Variants in ATM observed in about 807,000 individuals in gnomAD.
The protein encoded by ATM is ATM serine/threonine kinase, also known as serine-protein kinase ATM.
A neutral mutation model predicts 387.0 loss-of-function variants in ATM; 308 were observed. That is an observed-to-expected ratio of 0.80 (90% confidence interval 0.73 to 0.87). The LOEUF is 0.87. ATM is among the 40% of genes least tolerant of loss of function. The probability of loss-of-function intolerance (pLI) is 0.00; values close to 1 mark genes in which losing one functional copy is unlikely to be tolerated. For synonymous variants in ATM, 1,156 were observed against 1,187.3 expected (o/e 0.97, Z 0.54); for missense variants, 3,312 against 3,560.9 (o/e 0.93, Z 1.78).
At position 108,295,073 on chromosome 11, in the gene ATM, A is replaced by G. The variant is rs369392225; in HGVS notation, c.4909+14A>G. On this transcript the variant is annotated intron_variant, in intron 32 of 62. Coordinates refer to ENST00000675843, the MANE Select transcript of ATM (RefSeq NM_000051.4). ...GAGCTTCTCAGGGTGCTAATTTTAAATGACATGGGCTATTTCTACCTGTTT... is the reference window on the plus strand; with the variant it reads ...GAGCTTCTCAGGGTGCTAATTTTAAGTGACATGGGCTATTTCTACCTGTTT... 1.9e-6 allele frequency: 3 copies of G among 1,613,484 alleles called. No individual in the cohort carries two copies. Among genetic ancestry groups the G allele is most frequent in the Non-Finnish European group, 2.5e-6 (3 of 1,179,698 alleles).
chr11:108,253,238 A>G (rs1358626908), intron 12 of ATM, among the ~76,000 whole-genome samples: 2 of 152,204 alleles, frequency 1.3e-5, no homozygotes, highest in African/African-American at 4.8e-5. Context: ...CCATTTCTGT[A>G]CATCAACTAT....
At chr11:108,307,285 G>T (rs1431528392) in intron 37 of ATM, among the ~76,000 whole-genome samples, 1 of 152,072 alleles carries the variant, frequency 6.6e-6, no homozygotes, top group Non-Finnish European at 1.5e-5. Context: ...GAATAGCTGG[G>T]ATTACAGATG....
intron 31 of ATM, 131 bp from the exon 32 acceptor site, chr11:108,294,796 C>T (rs1305135047): frequency 1.1e-6 from 1 of 926,472 alleles, no homozygotes; most frequent in Non-Finnish European, 1.7e-6. Flanking sequence ...TTATTTCTTC[C>T]TTGATTAGTA....
chr11:108,288,364 C>T (rs759981536), intron 27 of ATM, among the ~76,000 whole-genome samples: 1 of 152,114 alleles, frequency 6.6e-6, no homozygotes, highest in Non-Finnish European at 1.5e-5. Context: ...CATGAGCCGC[C>T]GTACCCAGCC....
chr11:108,341,289 G>A (rs988336991), intron 56 of ATM, among the ~76,000 whole-genome samples: 1 of 151,966 alleles, frequency 6.6e-6, no homozygotes, highest in Non-Finnish European at 1.5e-5. Flanking sequence ...CTTCATTCAG[G>A]CTTCTGCTGC....
intron 53 of ATM, 146 bp downstream of exon 53, chr11:108,333,046 T>G: frequency 1.1e-6 from 1 of 948,432 alleles, no homozygotes; most frequent in East Asian, 2.7e-5. Context: ...GCTTCAGCAT[T>G]CCCTGGTTAC....
At position 108,337,268 on chromosome 11, in the gene ATM, T is replaced by G. The variant is rs11212590; in HGVS notation, c.8268+1307T>G. Among the ~76,000 whole-genome samples the G allele has an allele frequency of 6.0e-3, 918 of 152,286 alleles. 6 individuals carry two copies. Among genetic ancestry groups the G allele is most frequent in the East Asian group, 0.011 (55 of 5,182 alleles). On this transcript the variant is annotated intron_variant, in intron 56 of 62. Transcript: ENST00000675843. ...ACAATTTTTTCCGTAGCCTTCAAGT[T>G]TGTGAGAAATTTGTGACATGGAACC...
At chr11:108,337,833 AG>A in intron 56 of ATM, among the ~76,000 whole-genome samples, 1 of 152,382 alleles carries the variant, frequency 6.6e-6, no homozygotes, top group East Asian at 1.9e-4. Context: ...GGGTTACAAA[AG>A]TATGGGCTAT....
At chr11:108,255,276 C>G (rs1194196757) in intron 13 of ATM, among the ~76,000 whole-genome samples, 1 of 152,046 alleles carries the variant, frequency 6.6e-6, no homozygotes, top group Admixed American at 6.6e-5. Context: ...TTCTGCACCA[C>G]AATTGTAACC....
chr11:108,317,650 T>TACACACACAC (rs1261995220), intron 43 of ATM, 129 bp downstream of exon 43: 4 of 130,252 alleles, frequency 3.1e-5, no homozygotes, highest in African/African-American at 1.8e-4. Flanking sequence ...TATATATATA[T>TACACACACAC]ATACACACAC....
intron 16 of ATM, among the ~76,000 whole-genome samples, chr11:108,261,312 G>A (rs1351131411): frequency 1.3e-5 from 2 of 152,206 alleles, no homozygotes; most frequent in Non-Finnish European, 2.9e-5. Context: ...GCCTCCTCAA[G>A]TGGGTCCCTG....
At chr11:108,289,856 G>GT (rs1325132185) in intron 29 of ATM, 55 bp downstream of exon 29, 37 of 1,538,482 alleles carry the variant, frequency 2.4e-5, no homozygotes, top group African/African-American at 8.2e-5. Flanking sequence ...TGTTCTTCCT[G>GT]TTTTTTTGCT....
intron 16 of ATM, among the ~76,000 whole-genome samples, chr11:108,261,734 A>G (rs1222121944): frequency 6.6e-6 from 1 of 150,894 alleles, no homozygotes; most frequent in Admixed American, 6.6e-5. Context: ...GAAAACTTTG[A>G]AAAAAATTTA....
intron 29 of ATM, among the ~76,000 whole-genome samples, chr11:108,290,822 CAATT>C (rs1298725679): frequency 1.5e-5 from 2 of 134,116 alleles, no homozygotes; most frequent in Non-Finnish European, 3.2e-5. Context: ...GACTTTCACT[CAATT>C]AAAAAAAAAA....
At chr11:108,286,797 TA>T (rs903546484) in intron 26 of ATM, among the ~76,000 whole-genome samples, 3 of 152,206 alleles carry the variant, frequency 2.0e-5, no homozygotes, top group African/African-American at 7.2e-5. Flanking sequence ...TGTCACCTTC[TA>T]AAATATTTTT....
chr11:108,223,486 CGTAT>C (rs1184200164), intron 1 of ATM: 2 of 152,216 alleles, frequency 1.3e-5, no homozygotes, highest in Non-Finnish European at 2.9e-5. Flanking sequence ...ATCTCTCTCT[CGTAT>C]TTAGTACTTT....
At chr11:108,276,694 CT>C (rs2081967200) in intron 22 of ATM, among the ~76,000 whole-genome samples, 1 of 152,174 alleles carries the variant, frequency 6.6e-6, no homozygotes, top group South Asian at 2.1e-4. Flanking sequence ...TCCATGGAGG[CT>C]GCAGAACAGC....
At position 108,317,381 on chromosome 11, in the gene ATM, G is replaced by GA. The variant is rs765592353; in HGVS notation, c.6209dup (p.Asn2070LysfsTer18). The GA allele has an allele frequency of 2.5e-6, 4 of 1,611,416 alleles. No homozygotes were observed. Among genetic ancestry groups the GA allele is most frequent in the Non-Finnish European group, 8.5e-7 (1 of 1,178,618 alleles). On this transcript the variant is annotated frameshift_variant, in exon 43 of 63. Coordinates refer to ENST00000675843, the MANE Select transcript of ATM (RefSeq NM_000051.4). LOFTEE classifies it high-confidence loss of function. ...AAATAACTCCTGTTTAGGCCTTGCA[G>GA]AATTTGGGACTCTGCCATATTCTTT...
At chr11:108,263,512 A>G (rs1336092128) in intron 16 of ATM, among the ~76,000 whole-genome samples, 1 of 133,098 alleles carries the variant, frequency 7.5e-6, no homozygotes, top group Non-Finnish European at 1.6e-5. Flanking sequence ...TTATAGCACT[A>G]AATGCCCACA....
Sources: gnomAD v4.1 joint callset for allele counts (sites outside exome capture counted in the v4.1 genomes callset) on GRCh38, gnomAD v4.1.1 for gene constraint, MANE v1.5 for transcripts, NCBI Gene and HGNC (gene_info 2026-07-23, HGNC 2026-07-21) for gene names.